The following FOXO3 variants were observed in gnomAD, a reference collection of about 807,000 sequenced individuals.
FOXO3 encodes the protein forkhead box O3, also known as forkhead box protein O3.
In FOXO3, 4 loss-of-function variants were observed where a neutral mutation model predicts 41.9. The ratio of observed to expected loss-of-function variants is 0.10; its 90% CI spans 0.05 to 0.22. The LOEUF is 0.22. Ranked by LOEUF, FOXO3 falls within the 10% of genes least tolerant of loss-of-function variation. The pLI is 1.00. For synonymous variants in FOXO3, 318 were observed against 389.3 expected (o/e 0.82, Z 2.16); for missense variants, 534 against 906.8 (o/e 0.59, Z 5.28).
At chr6:108,641,336 T>G (rs1778251856) in intron 1 of FOXO3, among the ~76,000 whole-genome samples, 1 of 152,210 alleles carries the variant, frequency 6.6e-6, no homozygotes, top group African/African-American at 2.4e-5. Flanking sequence ...CCAAACATTC[T>G]TACTAGTGCT....
chr6:108,585,777 T>G (rs1179307877), intron 1 of FOXO3, among the ~76,000 whole-genome samples: 1 of 152,250 alleles, frequency 6.6e-6, no homozygotes, highest in African/African-American at 2.4e-5. Flanking sequence ...TTCTAGATTT[T>G]AGCTGAATGA....
At chr6:108,588,958 CAGT>C (rs1322436939) in intron 1 of FOXO3, among the ~76,000 whole-genome samples, 2 of 152,186 alleles carry the variant, frequency 1.3e-5, no homozygotes, top group Non-Finnish European at 2.9e-5. Context: ...CTTAGTTCTT[CAGT>C]ATTTATTAGG....
chr6:108,578,269 A>G (rs1446466204), intron 1 of FOXO3, among the ~76,000 whole-genome samples: 4 of 152,210 alleles, frequency 2.6e-5, no homozygotes, highest in Non-Finnish European at 4.4e-5. Flanking sequence ...AGGTGATTCT[A>G]CTGCAAGCTG....
Position 108,581,904 on chromosome 6 carries a change from A to T in FOXO3, c.621+20075A>T, listed in dbSNP as rs559566599. On this transcript the variant is annotated intron_variant, in intron 1 of 2. Transcript: ENST00000406360. Reference sequence around the variant, plus strand: ...GTGGCTCGCTGCCAAGACTTTGTTTAAAAAAACTTGGTTGTCTGGTATTTC... The same window carrying T: ...GTGGCTCGCTGCCAAGACTTTGTTTTAAAAAACTTGGTTGTCTGGTATTTC... 5.3e-5 allele frequency among the ~76,000 whole-genome samples: 8 copies of T among 152,308 alleles called. No individual in the cohort carries two copies. In the East Asian group the frequency reaches 7.7e-4, roughly 15 times the overall value.
chr6:108,618,251 G>A (rs1777569870), intron 1 of FOXO3: 4 of 777,236 alleles, frequency 5.1e-6, no homozygotes, highest in Non-Finnish European at 7.0e-6. Context: ...ATTGTTCTTA[G>A]TCTTGACTCC....
intron 1 of FOXO3, among the ~76,000 whole-genome samples, chr6:108,592,155 AGG>A (rs1047766084): frequency 3.9e-5 from 6 of 152,220 alleles, no homozygotes; most frequent in Non-Finnish European, 7.3e-5. Flanking sequence ...AAAGGGCAGA[AGG>A]GAACTTTTCA....
intron 1 of FOXO3, among the ~76,000 whole-genome samples, chr6:108,582,214 T>C (rs1776440683): frequency 1.3e-5 from 2 of 152,192 alleles, no homozygotes; most frequent in Admixed American, 1.3e-4. Flanking sequence ...AATAAGTGCC[T>C]ACCAGCTGCT....
At chr6:108,569,096 T>G (rs1264807590) in intron 1 of FOXO3, among the ~76,000 whole-genome samples, 1 of 152,238 alleles carries the variant, frequency 6.6e-6, no homozygotes, top group Non-Finnish European at 1.5e-5. Context: ...GTTTGTAATG[T>G]TCTGCATTTT....
rs150216371 is a variant in FOXO3, at chr6:108,663,748, G to A, written c.915G>A (p.Ala305=). Residue 305 remains alanine (A), a synonymous_variant, in exon 2 of 3, where the codon GCG becomes GCA. Coordinates refer to ENST00000406360, the MANE Select transcript of FOXO3 (RefSeq NM_001455.4). The part of the protein sequence containing the change: ...PTSRSSDELD[A]WTDFRSRTNS... ...CACGCAGCAGTGATGAGCTGGATGC[G>A]TGGACGGACTTCCGTTCACGCACCA... The A allele has an allele frequency of 6.2e-6, 10 of 1,613,832 alleles. No individual in the cohort carries two copies. The highest frequency in any genetic ancestry group is 1.1e-5 in the South Asian group (1 of 91,042).
intron 1 of FOXO3, among the ~76,000 whole-genome samples, chr6:108,586,319 G>A (rs1405575514): frequency 6.6e-6 from 1 of 152,118 alleles, no homozygotes; most frequent in Non-Finnish European, 1.5e-5. Context: ...CAGAAGTAGC[G>A]TGGCTTTTTC....
intron 1 of FOXO3, among the ~76,000 whole-genome samples, chr6:108,569,425 A>G (rs568073029): frequency 1.2e-4 from 18 of 152,330 alleles, no homozygotes; most frequent in African/African-American, 4.3e-4. Flanking sequence ...TCCATAGAGT[A>G]CTGTGATGTA....
At chr6:108,601,025 T>TC (rs973591376) in intron 1 of FOXO3, among the ~76,000 whole-genome samples, 2 of 152,176 alleles carry the variant, frequency 1.3e-5, no homozygotes, top group African/African-American at 4.8e-5. Flanking sequence ...CTTTTTTTTT[T>TC]CTGACGGAGT....
chr6:108,585,022 CTTTTTTTTT>C lies in FOXO3; in HGVS notation c.621+23215_621+23223del, dbSNP rs1159028928. ...CACCAAGAATTGCTATCTCCAAAAT[CTTTTTTTTT>C]TTTTTTTTTTTTTTTTTTTTTGAGA... On this transcript the variant is annotated intron_variant, in intron 1 of 2. Transcript: ENST00000406360. 3.6e-3 allele frequency among the ~76,000 whole-genome samples: 184 copies of C among 51,516 alleles called. 1 individual carries two copies. The East Asian group carries it at 0.036, about 10-fold the overall frequency. 33.8% of individuals were successfully genotyped at this position (51,516 alleles called of 152,430 possible). A position where few individuals can be genotyped will look rare whatever the true frequency, so the allele number is the denominator to read the frequency against.
intron 1 of FOXO3, among the ~76,000 whole-genome samples, chr6:108,620,904 A>G (rs1777647494): frequency 6.6e-6 from 1 of 152,202 alleles, no homozygotes; most frequent in Non-Finnish European, 1.5e-5. Context: ...GTAGCCTCCC[A>G]CGTTATCCAA....
At chr6:108,640,358 C>G (rs1778224221) in intron 1 of FOXO3, among the ~76,000 whole-genome samples, 1 of 152,198 alleles carries the variant, frequency 6.6e-6, no homozygotes, top group Admixed American at 6.5e-5. Context: ...CACACCCACT[C>G]ATTAGCCATG....
At chr6:108,665,324 G>T (rs905257914) in intron 2 of FOXO3, among the ~76,000 whole-genome samples, 2 of 152,150 alleles carry the variant, frequency 1.3e-5, no homozygotes, top group African/African-American at 4.8e-5. Context: ...GTCCGTCACC[G>T]CTTTTGTCAA....
At chr6:108,677,394 T>C (rs1770651982) in intron 2 of FOXO3, among the ~76,000 whole-genome samples, 1 of 152,222 alleles carries the variant, frequency 6.6e-6, no homozygotes, top group Non-Finnish European at 1.5e-5. Context: ...AATTGTGCTC[T>C]GTTAGGGGCT....
At chr6:108,616,414 G>T (rs984937591) in intron 1 of FOXO3, among the ~76,000 whole-genome samples, 2 of 151,956 alleles carry the variant, frequency 1.3e-5, no homozygotes, top group Admixed American at 1.3e-4. Context: ...ACCCGCCTCT[G>T]CCTCCCAAAA....
At chr6:108,622,473 G>A (rs1777697149) in intron 1 of FOXO3, among the ~76,000 whole-genome samples, 1 of 152,120 alleles carries the variant, frequency 6.6e-6, no homozygotes, top group Non-Finnish European at 1.5e-5. Context: ...ATTACTGCAA[G>A]GATCTGGTTG....
Sources: allele counts gnomAD v4.1 joint callset (sites outside exome capture counted in the v4.1 genomes callset), GRCh38; gene constraint gnomAD v4.1.1; transcripts MANE v1.5; gene names NCBI Gene and HGNC (gene_info 2026-07-23, HGNC 2026-07-21).